MTUS2: variants seen among roughly 807,000 people sequenced by gnomAD.
MTUS2 encodes microtubule associated scaffold protein 2.
In MTUS2, 40 loss-of-function variants were observed where a neutral mutation model predicts 114.1. The observed-to-expected ratio is 0.35, with a 90% confidence interval of 0.27 to 0.46. MTUS2 has a LOEUF of 0.46. Ranked by LOEUF, MTUS2 falls within the 20% of genes least tolerant of loss-of-function variation. MTUS2 has a pLI of 1.00. For synonymous variants in MTUS2, 688 were observed against 672.0 expected, an observed-to-expected ratio of 1.02 and a Z score of -0.37; for missense variants, 1,679 against 1,705.4, an observed-to-expected ratio of 0.98 and a Z score of 0.27.
At chr13:29,323,079 G>A (rs1427414560) in intron 6 of MTUS2, among the ~76,000 whole-genome samples, 2 of 152,150 alleles carry the variant, frequency 1.3e-5, no homozygotes, top group African/African-American at 4.8e-5. Flanking sequence ...CAAATGAGCA[G>A]ACTGAATCCA....
intron 9 of MTUS2, among the ~76,000 whole-genome samples, chr13:29,448,838 CCGTCT>C (rs1412008040): frequency 6.6e-6 from 1 of 150,496 alleles, no homozygotes. Flanking sequence ...ACTGCCACCT[CCGTCT>C]CCCGAGTTCA....
At chr13:29,294,114 G>A (rs1303610920) in intron 6 of MTUS2, among the ~76,000 whole-genome samples, 2 of 152,068 alleles carry the variant, frequency 1.3e-5, no homozygotes, top group African/African-American at 4.8e-5. Context: ...GAAAGAGCAT[G>A]AAGGTTACAG....
At chr13:28,925,809 CT>C (rs1258109276) in intron 2 of MTUS2, among the ~76,000 whole-genome samples, 1 of 152,186 alleles carries the variant, frequency 6.6e-6, no homozygotes, top group Non-Finnish European at 1.5e-5. Flanking sequence ...CAATGCGTTG[CT>C]TATGGCAAAC....
chr13:28,971,468 G>T (rs1245689220), intron 2 of MTUS2, among the ~76,000 whole-genome samples: 1 of 152,076 alleles, frequency 6.6e-6, no homozygotes, highest in Admixed American at 6.5e-5. Context: ...AGCTGAAAAA[G>T]AAATTGTAAT....
At position 29,269,960 on chromosome 13, in the gene MTUS2, C is replaced by T. The variant is rs562428395; in HGVS notation, c.2645-11744C>T. On this transcript the variant is annotated intron_variant, in intron 5 of 15. Transcript: ENST00000612955. The stretch of plus-strand genomic sequence containing the variant: ...AAGTGAAATAAGCCAGTCACAGAAG[C>T]ACAGATACTGTGTGATCTCAACTAC... Among the ~76,000 whole-genome samples the T allele has an allele frequency of 1.9e-3, 295 of 152,208 alleles. 2 individuals are homozygous for T. Among genetic ancestry groups the T allele is most frequent in the African/African-American group, 6.9e-3 (285 of 41,530 alleles).
intron 8 of MTUS2, among the ~76,000 whole-genome samples, chr13:29,377,834 C>T (rs79306372): frequency 6.6e-6 from 1 of 152,054 alleles, no homozygotes; most frequent in East Asian, 1.9e-4. Flanking sequence ...AAAGCTGGTT[C>T]TTTGAAGTGG....
intron 4 of MTUS2, among the ~76,000 whole-genome samples, chr13:29,052,926 G>A (rs554957679): frequency 6.6e-6 from 1 of 152,256 alleles, no homozygotes; most frequent in African/African-American, 2.4e-5. Context: ...CATGAGATCT[G>A]ATGGTTTGAT....
chr13:28,943,414 T>G (rs528942184), intron 2 of MTUS2, among the ~76,000 whole-genome samples: 1 of 152,336 alleles, frequency 6.6e-6, no homozygotes, highest in African/African-American at 2.4e-5. Flanking sequence ...CCACAGATGG[T>G]AATTAAATGA....
At chr13:29,004,995 G>C (rs998994122) in intron 2 of MTUS2, among the ~76,000 whole-genome samples, 1 of 152,210 alleles carries the variant, frequency 6.6e-6, no homozygotes, top group African/African-American at 2.4e-5. Flanking sequence ...CTTCAGGGCT[G>C]CTCTCTAGAG....
At chr13:29,287,775 C>T (rs577571719) in intron 6 of MTUS2, among the ~76,000 whole-genome samples, 93 of 152,168 alleles carry the variant, frequency 6.1e-4, no homozygotes, top group Non-Finnish European at 8.5e-4. Context: ...ATAGTTTCTC[C>T]AGACTTACCA....
At chr13:29,296,293 G>A (rs898640023) in intron 6 of MTUS2, among the ~76,000 whole-genome samples, 3 of 152,032 alleles carry the variant, frequency 2.0e-5, no homozygotes, top group African/African-American at 4.8e-5. Context: ...GCTCACTGCA[G>A]CCTGGACCTC....
At chr13:29,390,452 G>A (rs1020603590) in intron 8 of MTUS2, among the ~76,000 whole-genome samples, 2 of 151,600 alleles carry the variant, frequency 1.3e-5, no homozygotes, top group Non-Finnish European at 2.9e-5. Context: ...TCAGGAGTTC[G>A]AGACCAGCCT....
In MTUS2 at chr13:29,505,759, C is replaced by T. The variant is rs976089262; in HGVS notation, c.*2553C>T. 13 of 229,046 alleles carry T rather than the reference C, an allele frequency of 5.7e-5. No individual in the cohort carries two copies. Among genetic ancestry groups the T allele is most frequent in the East Asian group, 3.1e-4 (5 of 16,146 alleles). 14.2% of individuals were successfully genotyped at this position (229,046 alleles called of 1,614,324 possible). A position where few individuals can be genotyped will look rare whatever the true frequency, so the allele number is the denominator to read the frequency against. The stretch of plus-strand genomic sequence containing the variant: ...ATGCGTGGGCGGCCTGCCCCCCGAC[C>T]GCCGCCCCTGCCCACCACATGCTGG... On this transcript the variant is annotated 3_prime_UTR_variant, in exon 16 of 16. Coordinates refer to ENST00000612955, the MANE Select transcript of MTUS2 (RefSeq NM_001033602.4).
intron 8 of MTUS2, among the ~76,000 whole-genome samples, chr13:29,381,966 T>C (rs1872246561): frequency 6.6e-6 from 1 of 152,234 alleles, no homozygotes; most frequent in African/African-American, 2.4e-5. Context: ...AATCATTGCG[T>C]GTCTCCTGGG....
intron 5 of MTUS2, among the ~76,000 whole-genome samples, chr13:29,114,075 T>C (rs552939944): frequency 1.3e-5 from 2 of 152,264 alleles, no homozygotes; most frequent in Admixed American, 1.3e-4. Flanking sequence ...CTGCCATGAT[T>C]GGAAGCTTCC....
chr13:29,480,470 T>C lies in MTUS2; in HGVS notation c.3399+106T>C. On this transcript the variant is annotated intron_variant, in intron 10 of 15. Coordinates refer to ENST00000612955, the MANE Select transcript of MTUS2 (RefSeq NM_001033602.4). The surrounding 1 kb of genome is among the most constrained non-coding windows in gnomAD (Gnocchi z 4.4). ...GAAGTCCTATTCAGTAGGTGAGCTT[T>C]CTGAACAGTTCACTTTCTGAGTTGC... The C allele has an allele frequency of 8.3e-7, 1 of 1,202,298 alleles. No homozygotes were observed. The highest frequency in any genetic ancestry group is 1.1e-6 in the Non-Finnish European group (1 of 882,260). 74.5% of individuals were successfully genotyped at this position (1,202,298 alleles called of 1,614,324 possible).
chr13:29,032,642 A>C (rs189895073), intron 3 of MTUS2, among the ~76,000 whole-genome samples: 1 of 152,326 alleles, frequency 6.6e-6, no homozygotes, highest in Admixed American at 6.5e-5. Flanking sequence ...GATTATGATA[A>C]AACTTTAAAG....
At chr13:29,065,603 A>G (rs922752554) in intron 4 of MTUS2, among the ~76,000 whole-genome samples, 42 of 152,322 alleles carry the variant, frequency 2.8e-4, no homozygotes, top group African/African-American at 9.9e-4. Context: ...AAAAATAAAC[A>G]GACATAGTCT....
At chr13:28,820,151 A>G (rs984496841), upstream of MTUS2, among the ~76,000 whole-genome samples, 6 of 146,522 alleles carry the variant, frequency 4.1e-5, no homozygotes, top group Non-Finnish European at 9.1e-5. Context: ...CTCTTTGTCC[A>G]GGCGAGGCGG....
Sources: allele counts gnomAD v4.1 joint callset (sites outside exome capture counted in the v4.1 genomes callset), GRCh38; gene constraint gnomAD v4.1.1; non-coding constraint Gnocchi (gnomAD v3.1); transcripts MANE v1.5; gene names NCBI Gene and HGNC (gene_info 2026-07-23, HGNC 2026-07-21).